The following ASAP1 variants were observed in gnomAD, a reference collection of about 807,000 sequenced individuals.
ASAP1 encodes arf-GAP with SH3 domain, ANK repeat and PH domain-containing protein 1.
Under a neutral mutation model 145.2 loss-of-function variants are expected in ASAP1, and 43 were observed. The ratio of observed to expected loss-of-function variants is 0.30; its 90% CI spans 0.23 to 0.38. The LOEUF is 0.38. Among genes scored for constraint, ASAP1 ranks in the 10% least tolerant of loss-of-function variants. The pLI, the probability that ASAP1 is intolerant of heterozygous loss-of-function variation, is 1.00. For synonymous variants in ASAP1, 546 were observed against 515.5 expected, an observed-to-expected ratio of 1.06 and a Z score of -0.80; for missense variants, 1,018 against 1,355.3, an observed-to-expected ratio of 0.75 and a Z score of 3.91.
At chr8:130,278,828 C>A (rs569412042) in intron 3 of ASAP1, among the ~76,000 whole-genome samples, 1 of 152,190 alleles carries the variant, frequency 6.6e-6, no homozygotes, top group East Asian at 1.9e-4. Flanking sequence ...GGGGGCAGAA[C>A]CAGAATTCAA....
chr8:130,270,119 G>C (rs889434783), intron 3 of ASAP1, among the ~76,000 whole-genome samples: 5 of 152,230 alleles, frequency 3.3e-5, no homozygotes, highest in African/African-American at 9.6e-5. Flanking sequence ...GTAGTGAGCT[G>C]AGATCGTGCC....
intron 25 of ASAP1, among the ~76,000 whole-genome samples, chr8:130,080,478 C>CTCTCTTT (rs869286628): frequency 7.0e-5 from 5 of 71,188 alleles, no homozygotes; most frequent in African/African-American, 2.5e-4. Flanking sequence ...CATTCTCTCT[C>CTCTCTTT]TTTTTTTTTT....
chr8:130,138,471 C>T (rs2097600660), intron 13 of ASAP1, among the ~76,000 whole-genome samples: 1 of 152,164 alleles, frequency 6.6e-6, no homozygotes, highest in African/African-American at 2.4e-5. Flanking sequence ...GGGAAGATTC[C>T]TGTACTCCAG....
intron 3 of ASAP1, among the ~76,000 whole-genome samples, chr8:130,321,081 A>T (rs1385599286): frequency 6.6e-6 from 1 of 152,210 alleles, no homozygotes; most frequent in Non-Finnish European, 1.5e-5. Context: ...TTGTGATTCC[A>T]AGACACAATA....
Position 130,127,935 on chromosome 8 carries a change from C to T in ASAP1, c.1373G>A (p.Gly458Asp), listed in dbSNP as rs375896300. The T allele has an allele frequency of 1.2e-6, 2 of 1,612,526 alleles. No homozygotes were observed. Among genetic ancestry groups the T allele is most frequent in the Admixed American group, 1.7e-5 (1 of 59,576 alleles). ...LPGNDICCDC[G>D]SSEPTWLSTN... The stretch of plus-strand genomic sequence containing the variant: ...AATATGGGGACAAAAACCTGATGAG[C>T]CACAATCGCAGCAAATGTCATTCCC... The change falls in exon 16 of 30, where the codon GGC becomes GAC. Residue 458 changes from glycine (G) to aspartate (D), a missense_variant. Coordinates refer to ENST00000518721, the MANE Select transcript of ASAP1 (RefSeq NM_018482.4).
chr8:130,085,516 C>T (rs2097490644), intron 25 of ASAP1, among the ~76,000 whole-genome samples: 1 of 152,116 alleles, frequency 6.6e-6, no homozygotes, highest in Admixed American at 6.6e-5. Context: ...AGGAGGATCA[C>T]CTGAGCCCAG....
chr8:130,219,385 C>G (rs1372676086), intron 4 of ASAP1, among the ~76,000 whole-genome samples: 1 of 152,070 alleles, frequency 6.6e-6, no homozygotes, highest in Non-Finnish European at 1.5e-5. Flanking sequence ...AGGGCAACGG[C>G]AGAAGGGAGG....
At chr8:130,138,333 A>C (rs943131326) in intron 13 of ASAP1, among the ~76,000 whole-genome samples, 1 of 152,206 alleles carries the variant, frequency 6.6e-6, no homozygotes, top group African/African-American at 2.4e-5. Flanking sequence ...TCTATTCCAA[A>C]GCGAACTGCT....
intron 2 of ASAP1, among the ~76,000 whole-genome samples, chr8:130,365,012 T>A (rs1016903583): frequency 5.9e-5 from 9 of 152,072 alleles, no homozygotes; most frequent in Admixed American, 3.9e-4. Context: ...CAAGTGAGTA[T>A]CCTATACCGC....
chr8:130,052,677 T>C lies in ASAP1; in HGVS notation c.*2054A>G, dbSNP rs1445758306. ...AGTTGCTGCAAAAGGGGAAAAAGAA[T>C]AGACACTAACTCCATGTAATTTTAG... On this transcript the variant is annotated 3_prime_UTR_variant, in exon 30 of 30. Transcript: ENST00000518721. The C allele has an allele frequency of 6.6e-6, 1 of 150,416 alleles. No individual in the cohort carries two copies. The highest frequency in any genetic ancestry group is 1.9e-4 in the East Asian group (1 of 5,166). 9.3% of individuals were successfully genotyped at this position (150,416 alleles called of 1,614,324 possible). A position where few individuals can be genotyped will look rare whatever the true frequency, so the allele number is the denominator to read the frequency against.
chr8:130,303,851 A>G lies in ASAP1; in HGVS notation c.186+54166T>C, dbSNP rs190829803. On this transcript the variant is annotated intron_variant, in intron 3 of 29. Coordinates refer to ENST00000518721, the MANE Select transcript of ASAP1 (RefSeq NM_018482.4). The stretch of plus-strand genomic sequence containing the variant: ...ACTCTGATACAGTAACAGAGGATAC[A>G]TATCATCGCACATTTGTCAAATCCC... Among the ~76,000 whole-genome samples the G allele has an allele frequency of 2.6e-5, 4 of 152,312 alleles. No homozygotes were observed. In the East Asian group the frequency reaches 5.8e-4, roughly 22 times the overall value.
chr8:130,093,786 A>G (rs187207789), intron 24 of ASAP1, among the ~76,000 whole-genome samples: 135 of 121,658 alleles, frequency 1.1e-3, no homozygotes, highest in African/African-American at 3.2e-3. Flanking sequence ...CACTCTTCAT[A>G]TTAAAAAAAA....
At chr8:130,189,778 G>A (rs1441633168) in intron 5 of ASAP1, among the ~76,000 whole-genome samples, 2 of 152,134 alleles carry the variant, frequency 1.3e-5, no homozygotes, top group Non-Finnish European at 2.9e-5. Context: ...CACCAACAGC[G>A]TATGAGAGTT....
At chr8:130,064,764 G>A (rs1255344439) in intron 27 of ASAP1, among the ~76,000 whole-genome samples, 1 of 152,242 alleles carries the variant, frequency 6.6e-6, no homozygotes, top group South Asian at 2.1e-4. Context: ...CGCAAGCCCA[G>A]GCCTCTGGAA....
intron 5 of ASAP1, among the ~76,000 whole-genome samples, chr8:130,195,674 A>C (rs1815435019): frequency 6.6e-6 from 1 of 152,164 alleles, no homozygotes; most frequent in Non-Finnish European, 1.5e-5. Flanking sequence ...GGAGTAAATC[A>C]AACAGAGGGA....
At chr8:130,273,497 CTG>C (rs778405912) in intron 3 of ASAP1, among the ~76,000 whole-genome samples, 3 of 152,154 alleles carry the variant, frequency 2.0e-5, no homozygotes, top group Non-Finnish European at 4.4e-5. Context: ...AATACACTGG[CTG>C]TGCATCAGAA....
intron 1 of ASAP1, among the ~76,000 whole-genome samples, chr8:130,430,750 T>A (rs1015051853): frequency 1.3e-5 from 2 of 151,926 alleles, no homozygotes; most frequent in Non-Finnish European, 2.9e-5. Context: ...TGGGAAGGTG[T>A]ATTCAGAATT....
chr8:130,289,674 G>T (rs545512117), intron 3 of ASAP1, among the ~76,000 whole-genome samples: 1 of 152,132 alleles, frequency 6.6e-6, no homozygotes, highest in South Asian at 2.1e-4. Flanking sequence ...ATATTCCCAG[G>T]GTAGCCCATA....
intron 5 of ASAP1, among the ~76,000 whole-genome samples, chr8:130,190,904 G>C (rs2136241903): frequency 6.6e-6 from 1 of 152,268 alleles, no homozygotes; most frequent in East Asian, 1.9e-4. Context: ...GATGCCTCCA[G>C]CTTGTGTATT....
Sources: gnomAD v4.1 joint callset for allele counts (sites outside exome capture counted in the v4.1 genomes callset) on GRCh38, gnomAD v4.1.1 for gene constraint, MANE v1.5 for transcripts, NCBI Gene and HGNC (gene_info 2026-07-23, HGNC 2026-07-21) for gene names.